Variants in CTNNA2 observed in about 807,000 individuals in gnomAD.
The protein encoded by CTNNA2 is catenin alpha 2.
A neutral mutation model predicts 101.0 loss-of-function variants in CTNNA2; 42 were observed. The ratio of observed to expected loss-of-function variants is 0.42; its 90% CI spans 0.32 to 0.54. The LOEUF (loss-of-function observed/expected upper bound fraction) is 0.54. CTNNA2 is among the 20% of genes least tolerant of loss of function. The pLI is 0.14. For synonymous variants in CTNNA2, 450 were observed against 456.4 expected (o/e 0.99, Z 0.18); for missense variants, 871 against 1,223.1 (o/e 0.71, Z 4.29).
At chr2:79,319,207 C>T (rs1676562891) in intron 3 of CTNNA2, among the ~76,000 whole-genome samples, 1 of 152,190 alleles carries the variant, frequency 6.6e-6, no homozygotes, top group Non-Finnish European at 1.5e-5. Context: ...CTGCTTCATG[C>T]AGTCCAGACT....
chr2:80,154,177 T>C (rs909397347), intron 7 of CTNNA2, among the ~76,000 whole-genome samples: 5 of 152,226 alleles, frequency 3.3e-5, no homozygotes, highest in African/African-American at 1.2e-4. Flanking sequence ...TTCTGCAGTT[T>C]ATGTGGTTTG....
intron 3 of CTNNA2, among the ~76,000 whole-genome samples, chr2:79,814,638 C>CACATAT (rs145584853): frequency 0.012 from 1,735 of 146,926 alleles, 13 homozygotes; most frequent in East Asian, 0.03. Context: ...CACACACACA[C>CACATAT]ATATATATAT....
intron 7 of CTNNA2, among the ~76,000 whole-genome samples, chr2:80,050,206 A>C (rs531554196): frequency 6.6e-6 from 1 of 152,258 alleles, no homozygotes; most frequent in African/African-American, 2.4e-5. Context: ...TCACATTTTT[A>C]AAACCTAGTT....
intron 2 of CTNNA2, among the ~76,000 whole-genome samples, chr2:79,297,065 T>C (rs1478195146): frequency 6.6e-6 from 1 of 152,168 alleles, no homozygotes; most frequent in East Asian, 1.9e-4. Flanking sequence ...TACTGATCTC[T>C]GCCCCTCCTC....
At chr2:80,596,276 GTTGTTTTTTTTTTT>G (rs1696949580) in intron 15 of CTNNA2, among the ~76,000 whole-genome samples, 1 of 52,236 alleles carries the variant, frequency 1.9e-5, no homozygotes, top group African/African-American at 6.1e-5. Flanking sequence ...CTGAGACAAG[GTTGTTTTTTTTTTT>G]TTTTTTTTTT....
chr2:80,477,215 C>T (rs948030610), intron 9 of CTNNA2, among the ~76,000 whole-genome samples: 7 of 152,014 alleles, frequency 4.6e-5, no homozygotes, highest in African/African-American at 9.7e-5. Flanking sequence ...AAGCATACTA[C>T]GTAGGAGAAA....
rs141466401 is a variant in CTNNA2 at position 80,619,293 on chromosome 2, G to A, written c.2574+65G>A. 3.0e-4 allele frequency: 409 copies of A among 1,368,082 alleles called. 4 individuals carry two copies. The African/African-American group carries it at 5.5e-3, about 19-fold the overall frequency. The allele number at this position is 1,368,082 out of a possible 1,614,324, so 84.7% of individuals were successfully genotyped here. ...AATCATGAATTCTGAAGGCAGGGGG[G>A]ATTGGATTTTAGGGAAATAAAAATG... On this transcript the variant is annotated intron_variant, in intron 18 of 18. Transcript: ENST00000402739.
At chr2:79,816,203 G>A (rs554194715) in intron 3 of CTNNA2, among the ~76,000 whole-genome samples, 27 of 152,224 alleles carry the variant, frequency 1.8e-4, no homozygotes, top group Non-Finnish European at 2.9e-4. Flanking sequence ...TCAGCAATGA[G>A]TGACAGTATG....
intron 3 of CTNNA2, among the ~76,000 whole-genome samples, chr2:79,358,016 G>A (rs1380755263): frequency 6.6e-6 from 1 of 151,468 alleles, no homozygotes; most frequent in Non-Finnish European, 1.5e-5. Context: ...TTTTTCCATA[G>A]GATTTCATTA....
At chr2:79,630,388 G>T (rs149920533) in intron 1 of CTNNA2, among the ~76,000 whole-genome samples, 166 of 152,294 alleles carry the variant, frequency 1.1e-3, no homozygotes, top group African/African-American at 3.5e-3. Flanking sequence ...GACCATCAGA[G>T]AATTGGGCAG....
intron 9 of CTNNA2, among the ~76,000 whole-genome samples, chr2:80,531,864 T>C (rs1452705334): frequency 2.0e-5 from 3 of 152,164 alleles, no homozygotes; most frequent in East Asian, 3.9e-4. Flanking sequence ...CTGAAAAAAT[T>C]AAATGGTTAA....
intron 7 of CTNNA2, among the ~76,000 whole-genome samples, chr2:80,382,186 G>A (rs1417844401): frequency 6.6e-6 from 1 of 152,156 alleles, no homozygotes; most frequent in Non-Finnish European, 1.5e-5. Flanking sequence ...AAGCCAAGTA[G>A]CTAGAATACT....
At chr2:80,010,326 T>C (rs890134961) in intron 7 of CTNNA2, among the ~76,000 whole-genome samples, 4 of 152,076 alleles carry the variant, frequency 2.6e-5, no homozygotes, top group Admixed American at 2.6e-4. Context: ...TGATTATTAT[T>C]ATTATTATTT....
intron 9 of CTNNA2, among the ~76,000 whole-genome samples, chr2:80,475,752 G>A (rs955227357): frequency 1.3e-5 from 2 of 152,064 alleles, no homozygotes; most frequent in African/African-American, 2.4e-5. Context: ...GTCTCAAACT[G>A]CCAGTCTGTG....
At chr2:80,035,917 T>C (rs766574607) in intron 7 of CTNNA2, among the ~76,000 whole-genome samples, 41 of 152,192 alleles carry the variant, frequency 2.7e-4, no homozygotes, top group African/African-American at 9.7e-4. Context: ...TGTGGGCCAA[T>C]TCAATTTCCT....
intron 2 of CTNNA2, among the ~76,000 whole-genome samples, chr2:79,719,506 TC>T (rs1686336721): frequency 6.6e-6 from 1 of 152,186 alleles, no homozygotes; most frequent in Non-Finnish European, 1.5e-5. Context: ...TAATTGATAT[TC>T]CCACCAACAG....
chr2:79,471,923 C>T (rs1025496269), intron 4 of CTNNA2, among the ~76,000 whole-genome samples: 1 of 152,102 alleles, frequency 6.6e-6, no homozygotes, highest in Non-Finnish European at 1.5e-5. Context: ...CCTTAAAATT[C>T]ATGTTCTTCT....
At chr2:80,633,337 T>C (rs905534292) in intron 18 of CTNNA2, among the ~76,000 whole-genome samples, 1 of 152,218 alleles carries the variant, frequency 6.6e-6, no homozygotes, top group Non-Finnish European at 1.5e-5. Flanking sequence ...CTTTTTTGGC[T>C]GCTGGCAAGA....
chr2:79,421,190 A>G (rs752374750), intron 4 of CTNNA2, among the ~76,000 whole-genome samples: 35 of 152,192 alleles, frequency 2.3e-4, no homozygotes, highest in Non-Finnish European at 4.6e-4. Context: ...GCTACTAAGT[A>G]CTTAGCAAAT....
Sources: allele counts gnomAD v4.1 joint callset (sites outside exome capture counted in the v4.1 genomes callset), GRCh38; gene constraint gnomAD v4.1.1; transcripts MANE v1.5; gene names NCBI Gene and HGNC (gene_info 2026-07-23, HGNC 2026-07-21).